Variants in TUT4 observed in about 807,000 individuals in gnomAD.
TUT4 encodes the protein terminal uridylyl transferase 4.
In TUT4, 36 loss-of-function variants were observed where a neutral mutation model predicts 192.2. That is an observed-to-expected ratio of 0.19 (90% CI 0.14 to 0.25). TUT4 has a LOEUF of 0.25. TUT4 is among the 10% of genes least tolerant of loss of function. TUT4 has a pLI of 1.00. For missense variants in TUT4, 1,493 were observed against 1,957.2 expected (o/e 0.76, Z 4.47); for synonymous variants, 618 against 666.0 (o/e 0.93, Z 1.11).
At chr1:52,489,941 C>G (rs1299865431) in intron 8 of TUT4, among the ~76,000 whole-genome samples, 1 of 152,088 alleles carries the variant, frequency 6.6e-6, no homozygotes, top group Non-Finnish European at 1.5e-5. Context: ...TTCCATGTCT[C>G]CCACACTACT....
At chr1:52,451,265 C>CA (rs1187175281) in intron 20 of TUT4, among the ~76,000 whole-genome samples, 3,832 of 102,834 alleles carry the variant, frequency 0.037, 60 homozygotes, top group Non-Finnish European at 0.048. Context: ...GACTCTGTCT[C>CA]AAAAAAAAAA....
chr1:52,547,674 AG>A (rs1688432286), intron 1 of TUT4, among the ~76,000 whole-genome samples: 1 of 152,226 alleles, frequency 6.6e-6, no homozygotes, highest in African/African-American at 2.4e-5. Flanking sequence ...TCTCCATAGA[AG>A]GTAATACTAT....
At chr1:52,440,534 G>A (rs1052983218) in intron 24 of TUT4, among the ~76,000 whole-genome samples, 2 of 150,768 alleles carry the variant, frequency 1.3e-5, no homozygotes, top group Non-Finnish European at 2.9e-5. Context: ...GTTTTTGCCA[G>A]GACAACATAA....
At chr1:52,509,207 C>G (rs372198567) in intron 4 of TUT4, among the ~76,000 whole-genome samples, 5 of 152,192 alleles carry the variant, frequency 3.3e-5, no homozygotes, top group Non-Finnish European at 5.9e-5. Context: ...TCTTCCCCCC[C>G]TAACAAGACT....
chr1:52,534,587 T>G (rs895928638), intron 1 of TUT4, among the ~76,000 whole-genome samples: 29 of 151,918 alleles, frequency 1.9e-4, no homozygotes, highest in South Asian at 6.2e-4. Flanking sequence ...GCACGGTGCT[T>G]CATGCCTGCA....
chr1:52,438,478 T>C, intron 24 of TUT4, 143 bp from the exon 25 acceptor site: 1 of 601,330 alleles, frequency 1.7e-6, no homozygotes, highest in Non-Finnish European at 2.9e-6. Context: ...AAACCCAAGA[T>C]ATGAAAATAA....
At chr1:52,428,389 G>A (rs923657906) in intron 28 of TUT4, among the ~76,000 whole-genome samples, 2 of 152,070 alleles carry the variant, frequency 1.3e-5, no homozygotes, top group African/African-American at 2.4e-5. Flanking sequence ...TACTTTGGGA[G>A]GCCGAGGCAG....
chr1:52,456,100 T>C (rs1319311542), intron 20 of TUT4, among the ~76,000 whole-genome samples: 1 of 152,092 alleles, frequency 6.6e-6, no homozygotes, highest in Non-Finnish European at 1.5e-5. Context: ...GGAGTATTAC[T>C]GAGCACTAAA....
chr1:52,476,923 G>A (rs1667239940), intron 12 of TUT4, among the ~76,000 whole-genome samples: 1 of 152,198 alleles, frequency 6.6e-6, no homozygotes, highest in Non-Finnish European at 1.5e-5. Context: ...ATTAAGAATT[G>A]AGGAGCCACT....
chr1:52,490,589 AT>A, intron 8 of TUT4, 142 bp downstream of exon 8: 1 of 584,524 alleles, frequency 1.7e-6, no homozygotes, highest in South Asian at 3.1e-5. Flanking sequence ...TAAGCTTGCT[AT>A]TTTTAATGAA....
intron 16 of TUT4, chr1:52,462,734 C>G: frequency 1.0e-6 from 1 of 984,466 alleles, no homozygotes; most frequent in Non-Finnish European, 1.2e-6. Context: ...CCTATTATCA[C>G]CAGCACCTAT....
Position 52,497,034 on chromosome 1 carries a change from C to T in TUT4, c.1149G>A (p.Met383Ile), listed in dbSNP as rs528806965. The T allele has an allele frequency of 9.1e-5, 146 of 1,613,144 alleles. 2 individuals are homozygous for T. The South Asian group carries it at 1.5e-3, about 16-fold the overall frequency. Residue 383 changes from methionine (M) to isoleucine (I), a missense_variant, in exon 5 of 30, where the codon ATG becomes ATA. This residue lies in a region of TUT4 where 437 missense variants were observed against 577.6 expected (regional missense o/e 0.76). Transcript: ENST00000257177. ...GTAAAAATGTCGTTATAACCTTTGA[C>T]ATTTCCTCCACAATTTCCTGACGGA... The part of the protein sequence containing the change: ...LRVRQEIVEE[M>I]SKVITTFLPE...
chr1:52,515,966 CAATGCAGAT>C lies in TUT4; in HGVS notation c.798_806del (p.Ser267_Leu269del). ...TCAACCCCAGCCTCTGCTCAGGTGT[CAATGCAGAT>C]TCATCTATCACAGTGGCATTTTCTA... is the stretch of plus-strand genomic sequence containing the variant. On this transcript the variant is annotated inframe_deletion, in exon 3 of 30. Transcript: ENST00000257177. 6.2e-7 allele frequency: 1 copy of C among 1,613,566 alleles called. No homozygotes were observed. Among genetic ancestry groups the C allele is most frequent in the South Asian group, 1.1e-5 (1 of 91,054 alleles).
intron 16 of TUT4, chr1:52,463,861 G>A (rs1663314347): frequency 4.4e-6 from 5 of 1,136,694 alleles, no homozygotes; most frequent in Middle Eastern, 2.3e-4. Flanking sequence ...GGCATCTCAC[G>A]GTGGAACTCA....
intron 7 of TUT4, among the ~76,000 whole-genome samples, chr1:52,491,551 G>C (rs1671148453): frequency 6.6e-6 from 1 of 152,126 alleles, no homozygotes. Flanking sequence ...ATCCGGGCAT[G>C]GTGGCACGCG....
At chr1:52,492,471 A>T (rs572649480) in intron 7 of TUT4, among the ~76,000 whole-genome samples, 1 of 152,294 alleles carries the variant, frequency 6.6e-6, no homozygotes, top group Admixed American at 6.5e-5. Flanking sequence ...ACTTTTCTAA[A>T]CTATAGTTTA....
At chr1:52,438,376 A>C (rs200716400) in intron 24 of TUT4, 41 bp from the exon 25 acceptor site, 1 of 1,426,526 alleles carries the variant, frequency 7.0e-7, no homozygotes, top group Non-Finnish European at 9.7e-7. Flanking sequence ...AATCACTATA[A>C]AACTTTTGAA....
intron 1 of TUT4, among the ~76,000 whole-genome samples, chr1:52,534,809 G>A (rs1196518285): frequency 6.6e-6 from 1 of 152,134 alleles, no homozygotes; most frequent in South Asian, 2.1e-4. Context: ...GCTGCAGTGA[G>A]CCGTGATGGC....
chr1:52,509,377 T>G (rs1294703577), intron 4 of TUT4, among the ~76,000 whole-genome samples: 2 of 152,118 alleles, frequency 1.3e-5, no homozygotes, highest in African/African-American at 4.8e-5. Context: ...AGCTCTAAAC[T>G]TAGGAATCAA....
Sources: gnomAD v4.1 joint callset for allele counts (sites outside exome capture counted in the v4.1 genomes callset) on GRCh38, gnomAD v4.1.1 for gene constraint, gnomAD v4.1.1 regional missense constraint, MANE v1.5 for transcripts, NCBI Gene and HGNC (gene_info 2026-07-23, HGNC 2026-07-21) for gene names.